The following TTLL5 variants were observed in gnomAD, a reference collection of about 807,000 sequenced individuals.
TTLL5 encodes the protein tubulin tyrosine ligase like 5.
In TTLL5, 132 loss-of-function variants were observed where a neutral mutation model predicts 168.4. The ratio of observed to expected loss-of-function variants is 0.78; its 90% CI spans 0.68 to 0.91. The LOEUF (loss-of-function observed/expected upper bound fraction) is 0.91. Ranked by LOEUF, TTLL5 falls within the 40% of genes least tolerant of loss-of-function variation. The pLI, the probability that TTLL5 is intolerant of heterozygous loss-of-function variation, is 0.00. For missense variants in TTLL5, 1,545 were observed against 1,581.5 expected (o/e 0.98, Z 0.39); for synonymous variants, 546 against 558.6 (o/e 0.98, Z 0.32).
chr14:75,897,830 C>T (rs1182054624), intron 30 of TTLL5, among the ~76,000 whole-genome samples: 1 of 152,102 alleles, frequency 6.6e-6, no homozygotes, highest in Non-Finnish European at 1.5e-5. Context: ...TAAATAAGAC[C>T]ATTACCAGAG....
At chr14:75,816,992 T>TTC (rs1894460555) in intron 27 of TTLL5, among the ~76,000 whole-genome samples, 1 of 147,098 alleles carries the variant, frequency 6.8e-6, no homozygotes, top group African/African-American at 2.5e-5. Context: ...TTTTTTTTTT[T>TTC]TTTTTTGAGA....
intron 4 of TTLL5, among the ~76,000 whole-genome samples, chr14:75,682,217 A>G (rs1261800191): frequency 1.3e-5 from 2 of 151,878 alleles, no homozygotes; most frequent in African/African-American, 4.8e-5. Flanking sequence ...CAAACCCAAA[A>G]GGGATTTGTC....
intron 31 of TTLL5, among the ~76,000 whole-genome samples, chr14:75,926,861 G>A (rs1185702550): frequency 2.0e-5 from 3 of 152,134 alleles, no homozygotes; most frequent in African/African-American, 7.2e-5. Context: ...GTTTGTATAC[G>A]AGGGTTCATA....
chr14:75,946,163 A>T lies in TTLL5; in HGVS notation c.3824-8261A>T, dbSNP rs11844448. ...TGCAGGAGGAATTGGGGGCAACATA[A>T]TGAGCAACAAAATGATGATAATGTT... On this transcript the variant is annotated intron_variant, in intron 31 of 31. Transcript: ENST00000298832. Among the ~76,000 whole-genome samples the T allele has an allele frequency of 7.0e-3, 1,070 of 152,320 alleles. 4 individuals are homozygous for T. Among genetic ancestry groups the T allele is most frequent in the African/African-American group, 0.024 (1,005 of 41,558 alleles).
intron 30 of TTLL5, among the ~76,000 whole-genome samples, chr14:75,884,923 C>A (rs1319943499): frequency 1.3e-5 from 2 of 150,914 alleles, no homozygotes; most frequent in African/African-American, 4.9e-5. Context: ...GTAATCCCAG[C>A]ACTTTGGGAG....
At chr14:75,851,469 AT>A (rs1896850714) in intron 28 of TTLL5, among the ~76,000 whole-genome samples, 1 of 152,114 alleles carries the variant, frequency 6.6e-6, no homozygotes. Flanking sequence ...GGGGAGGAAG[AT>A]TTGGTAATCT....
chr14:75,875,020 G>A (rs1397948916), intron 29 of TTLL5, among the ~76,000 whole-genome samples: 8 of 141,626 alleles, frequency 5.6e-5, no homozygotes, highest in East Asian at 2.2e-4. Context: ...TGAAAGCTCC[G>A]CCTCCCGGGT....
In TTLL5 at chr14:75,779,561, T is replaced by C. The variant is rs1273608777; in HGVS notation, c.2388-14T>C. On this transcript the variant is annotated splice_polypyrimidine_tract_variant and intron_variant, in intron 23 of 31. Coordinates refer to ENST00000298832, the MANE Select transcript of TTLL5 (RefSeq NM_015072.5). The stretch of plus-strand genomic sequence containing the variant: ...TAGCTTCCTGTCTGACCATACTTTT[T>C]CTCCTCATTTCAGTGAGGCTGAACT... The C allele has an allele frequency of 6.2e-7, 1 of 1,610,582 alleles. No individual in the cohort carries two copies.
At chr14:75,752,643 T>C (rs911161631) in intron 17 of TTLL5, among the ~76,000 whole-genome samples, 1 of 152,174 alleles carries the variant, frequency 6.6e-6, no homozygotes, top group Non-Finnish European at 1.5e-5. Flanking sequence ...GAAATGCTGG[T>C]TTTTCTTTCT....
At chr14:75,909,346 G>C (rs940773655) in intron 31 of TTLL5, among the ~76,000 whole-genome samples, 1 of 147,540 alleles carries the variant, frequency 6.8e-6, no homozygotes, top group Non-Finnish European at 1.5e-5. Context: ...AAGCCCCCTG[G>C]AATTATCTAA....
At chr14:75,709,095 A>T (rs1449861023) in intron 9 of TTLL5, 2 of 692,536 alleles carry the variant, frequency 2.9e-6, no homozygotes, top group Non-Finnish European at 5.3e-6. Context: ...GTTATAAAGC[A>T]TAGCAGTTTA....
chr14:75,887,122 C>G, intron 30 of TTLL5: 1 of 1,075,010 alleles, frequency 9.3e-7, no homozygotes, highest in Non-Finnish European at 1.1e-6. Flanking sequence ...GCACCCAGGA[C>G]AGTGGTGTCT....
intron 31 of TTLL5, chr14:75,930,574 T>C (rs2034242499): frequency 1.0e-6 from 1 of 981,734 alleles, no homozygotes; most frequent in Admixed American, 6.1e-5. Context: ...ATATTATTAA[T>C]TAAATATCTA....
chr14:75,856,508 TTTTG>T (rs1288063576), intron 28 of TTLL5, among the ~76,000 whole-genome samples: 11 of 152,280 alleles, frequency 7.2e-5, no homozygotes, highest in Non-Finnish European at 2.9e-5. Flanking sequence ...CTTATGTAGG[TTTTG>T]TTTAATATCT....
intron 31 of TTLL5, among the ~76,000 whole-genome samples, chr14:75,912,240 C>T (rs1440929779): frequency 3.3e-5 from 5 of 152,072 alleles, no homozygotes; most frequent in African/African-American, 1.2e-4. Flanking sequence ...TTCATTCCTC[C>T]AGCAAAGTGC....
intron 31 of TTLL5, among the ~76,000 whole-genome samples, chr14:75,943,092 A>G (rs922408591): frequency 3.3e-5 from 5 of 152,190 alleles, no homozygotes; most frequent in Non-Finnish European, 7.4e-5. Context: ...CACAAAAAAA[A>G]GGCGGTGTCG....
At position 75,839,689 on chromosome 14, in the gene TTLL5, C is replaced by T. The variant is rs148244651; in HGVS notation, c.3326+19528C>T. ...TCAATTACCTCCCACCGGTCCCTCT[C>T]ACAACACATGGGGATTATGGGGATT... On this transcript the variant is annotated intron_variant, in intron 28 of 31. Transcript: ENST00000298832. 6.1e-3 allele frequency among the ~76,000 whole-genome samples: 930 copies of T among 152,286 alleles called. 15 individuals are homozygous for T. Among genetic ancestry groups the T allele is most frequent in the African/African-American group, 0.021 (889 of 41,562 alleles).
At chr14:75,801,875 T>C (rs1893344602) in intron 27 of TTLL5, among the ~76,000 whole-genome samples, 1 of 152,222 alleles carries the variant, frequency 6.6e-6, no homozygotes. Context: ...TGTCTGTAGC[T>C]TTCTAGAAAG....
chr14:75,937,842 C>T (rs958504313), intron 31 of TTLL5, among the ~76,000 whole-genome samples: 3 of 152,164 alleles, frequency 2.0e-5, no homozygotes, highest in Non-Finnish European at 2.9e-5. Context: ...ATGTTTGTGT[C>T]CCTGCTTTCA....
Sources: gnomAD v4.1 joint callset for allele counts (sites outside exome capture counted in the v4.1 genomes callset) on GRCh38, gnomAD v4.1.1 for gene constraint, MANE v1.5 for transcripts, NCBI Gene and HGNC (gene_info 2026-07-23, HGNC 2026-07-21) for gene names.